The following MAB21L3 variants were observed in gnomAD, a reference collection of about 807,000 sequenced individuals.
MAB21L3 encodes protein mab-21-like 3.
A neutral mutation model predicts 37.7 loss-of-function variants in MAB21L3; 36 were observed. That is an observed-to-expected ratio of 0.96 (90% CI 0.73 to 1.26). MAB21L3 has a LOEUF of 1.26. Ranked by LOEUF, MAB21L3 falls within the 50% of genes most tolerant of loss-of-function variation. The pLI, the probability that MAB21L3 is intolerant of heterozygous loss-of-function variation, is 0.00. For synonymous variants in MAB21L3, 186 were observed against 176.8 expected (o/e 1.05, Z -0.41); for missense variants, 430 against 447.3 (o/e 0.96, Z 0.35).
chr1:116,119,759 A>T (rs1659691018), intron 3 of MAB21L3, among the ~76,000 whole-genome samples: 1 of 151,806 alleles, frequency 6.6e-6, no homozygotes, highest in Admixed American at 6.6e-5. Context: ...TCTTATTTGG[A>T]TTTTTCTGTG....
chr1:116,116,037 C>T (rs924109676), intron 3 of MAB21L3, among the ~76,000 whole-genome samples: 1 of 152,166 alleles, frequency 6.6e-6, no homozygotes, highest in Non-Finnish European at 1.5e-5. Flanking sequence ...CAGGGTTGGG[C>T]TTGCAATGGG....
intron 4 of MAB21L3, among the ~76,000 whole-genome samples, chr1:116,122,754 A>T (rs1433156232): frequency 6.6e-6 from 1 of 152,186 alleles, no homozygotes; most frequent in Non-Finnish European, 1.5e-5. Context: ...TTTTTTGTAG[A>T]GATGGATTTC....
intron 7 of MAB21L3, among the ~76,000 whole-genome samples, chr1:116,130,351 A>G (rs983377511): frequency 1.3e-5 from 2 of 152,194 alleles, no homozygotes; most frequent in Non-Finnish European, 2.9e-5. Flanking sequence ...TGTGTGGCAC[A>G]ATAGGGCATC....
intron 3 of MAB21L3, 101 bp downstream of exon 3, chr1:116,112,764 C>A: frequency 8.9e-7 from 1 of 1,118,880 alleles, no homozygotes; most frequent in Non-Finnish European, 1.3e-6. Context: ...TCTAAAGACA[C>A]ATAAAATGCT....
At chr1:116,129,665 T>C (rs981051825) in intron 7 of MAB21L3, among the ~76,000 whole-genome samples, 2 of 152,242 alleles carry the variant, frequency 1.3e-5, no homozygotes, top group African/African-American at 2.4e-5. Context: ...GATGTTCTTA[T>C]TCATTGGGAG....
rs547945379 is a variant in MAB21L3, at chr1:116,123,130, C to G, written c.190-936C>G. Among the ~76,000 whole-genome samples, 4 of 152,292 alleles carry G rather than the reference C, an allele frequency of 2.6e-5. No homozygotes were observed. The South Asian group carries it at 6.2e-4, about 24-fold the overall frequency. ...GAGGCAGCTGACTCACAGCCGAAGG[C>G]GTGCATGCAGTGGGACATGGTCATA... On this transcript the variant is annotated intron_variant, in intron 4 of 7. Transcript: ENST00000369500.
rs899737610 is a variant in MAB21L3, at chr1:116,111,820, A to C, written c.-210+10A>C. 6 of 152,508 alleles carry C rather than the reference A, an allele frequency of 3.9e-5. No individual in the cohort carries two copies. Among genetic ancestry groups the C allele is most frequent in the Non-Finnish European group, 8.8e-5 (6 of 68,338 alleles). The allele number at this position is 152,508 out of a possible 1,614,324, so 9.4% of individuals were successfully genotyped here. A position where few individuals can be genotyped will look rare whatever the true frequency, so the allele number is the denominator to read the frequency against. ...GTTTAAAGGTCAGCAGGTGAGCAGAAGGATTCCTGACCAGCCATTCCTGTG... is the reference window on the plus strand; with the variant it reads ...GTTTAAAGGTCAGCAGGTGAGCAGACGGATTCCTGACCAGCCATTCCTGTG... On this transcript the variant is annotated intron_variant, in intron 2 of 7. Transcript: ENST00000369500.
Position 116,133,395 on chromosome 1 carries a change from C to A in MAB21L3, c.*30C>A. 2 of 1,585,014 alleles carry A rather than the reference C, an allele frequency of 1.3e-6. No individual in the cohort carries two copies. Among genetic ancestry groups the A allele is most frequent in the Non-Finnish European group, 1.7e-6 (2 of 1,153,684 alleles). The stretch of plus-strand genomic sequence containing the variant: ...TGCCCCGGCCTGGGAGGCTCTTGGA[C>A]ATTTTATTCTGGCTTAACATTGTTC... On this transcript the variant is annotated 3_prime_UTR_variant, in exon 8 of 8. Coordinates refer to ENST00000369500, the MANE Select transcript of MAB21L3 (RefSeq NM_152367.3).
Position 116,112,452 on chromosome 1 carries a change from G to T in MAB21L3, c.-164G>T. The T allele has an allele frequency of 2.0e-6, 1 of 506,080 alleles. No individual in the cohort carries two copies. The highest frequency in any genetic ancestry group is 3.6e-6 in the Non-Finnish European group (1 of 281,282). 31.3% of individuals were successfully genotyped at this position (506,080 alleles called of 1,614,324 possible). On this transcript the variant is annotated 5_prime_UTR_variant, in exon 3 of 8. The change creates a new upstream start codon in the 5' untranslated region. Coordinates refer to ENST00000369500, the MANE Select transcript of MAB21L3 (RefSeq NM_152367.3). ...ATTTGGAAATAAAAACATGAGTGAA[G>T]GGTTCGGAAGGCAAGTCTCTGGTCC...
rs1660164412 is a variant in MAB21L3 at position 116,134,623 on chromosome 1, AC to A, written c.*1259del. On this transcript the variant is annotated 3_prime_UTR_variant, in exon 8 of 8. Transcript: ENST00000369500. ...ATTTTATTCTAAGATCAAAGGTGTG[AC>A]ATTTGGCCTCTCCAGAAGCAGAAGA... The A allele has an allele frequency of 6.6e-6, 1 of 152,258 alleles. No individual in the cohort carries two copies. 9.4% of individuals were successfully genotyped at this position (152,258 alleles called of 1,614,324 possible). A position where few individuals can be genotyped will look rare whatever the true frequency, so the allele number is the denominator to read the frequency against.
chr1:116,124,606 T>G (rs77466954), intron 5 of MAB21L3, among the ~76,000 whole-genome samples: 3,257 of 152,320 alleles, frequency 0.021, 114 homozygotes, highest in African/African-American at 0.075. Flanking sequence ...GGCATAGATA[T>G]AAAATGCTGT....
At chr1:116,115,507 ACT>A (rs1447677261) in intron 3 of MAB21L3, among the ~76,000 whole-genome samples, 2 of 152,196 alleles carry the variant, frequency 1.3e-5, no homozygotes, top group Admixed American at 1.3e-4. Flanking sequence ...TAAAGGTCTG[ACT>A]TCTTGTTTTC....
chr1:116,137,685 T>C lies in MAB21L3; in HGVS notation c.*4320T>C, dbSNP rs1433185567. On this transcript the variant is annotated 3_prime_UTR_variant, in exon 8 of 8. Coordinates refer to ENST00000369500, the MANE Select transcript of MAB21L3 (RefSeq NM_152367.3). ...AAAGACACATGCACACGTATGTTTATTGCGGCATTATTCACAATAGCAGAC... is the reference window on the plus strand; with the variant it reads ...AAAGACACATGCACACGTATGTTTACTGCGGCATTATTCACAATAGCAGAC... Among the ~76,000 whole-genome samples, 3 of 151,772 alleles carry C rather than the reference T, an allele frequency of 2.0e-5. No homozygotes were observed. Among genetic ancestry groups the C allele is most frequent in the Admixed American group, 6.6e-5 (1 of 15,262 alleles).
intron 4 of MAB21L3, 101 bp downstream of exon 4, chr1:116,121,173 C>A: frequency 8.8e-7 from 1 of 1,139,244 alleles, no homozygotes; most frequent in South Asian, 1.5e-5. Flanking sequence ...TCAGAATACT[C>A]ATAACAATTC....
Position 116,128,342 on chromosome 1 carries a change from G to A in MAB21L3, c.855+3G>A. On this transcript the variant is annotated splice_donor_region_variant and intron_variant, in intron 7 of 7. Coordinates refer to ENST00000369500, the MANE Select transcript of MAB21L3 (RefSeq NM_152367.3). Reference sequence around the variant, plus strand: ...TTATCACGTCCCACCATCTGCAGGTGAGTGTGGGGCAGGTTGGAGAAGACC... The same window carrying A: ...TTATCACGTCCCACCATCTGCAGGTAAGTGTGGGGCAGGTTGGAGAAGACC... 1 of 1,608,912 alleles carries A rather than the reference G, an allele frequency of 6.2e-7. No homozygotes were observed.
At chr1:116,121,708 C>T (rs1208769279) in intron 4 of MAB21L3, among the ~76,000 whole-genome samples, 1 of 152,114 alleles carries the variant, frequency 6.6e-6, no homozygotes, top group Non-Finnish European at 1.5e-5. Context: ...ACTGGCAACC[C>T]CTCTCCCTGC....
chr1:116,122,696 G>A (rs969037813), intron 4 of MAB21L3, among the ~76,000 whole-genome samples: 4 of 152,160 alleles, frequency 2.6e-5, no homozygotes, highest in African/African-American at 9.7e-5. Context: ...GAGCAGCTGG[G>A]ACTACAAGTG....
intron 7 of MAB21L3, among the ~76,000 whole-genome samples, chr1:116,129,558 T>C (rs1660011887): frequency 1.3e-5 from 2 of 152,228 alleles, no homozygotes; most frequent in Non-Finnish European, 2.9e-5. Flanking sequence ...TGGACAAAAC[T>C]GTCTTCCAGC....
At chr1:116,128,455 T>A in intron 7 of MAB21L3, 116 bp downstream of exon 7, 15 of 970,816 alleles carry the variant, frequency 1.5e-5, no homozygotes, top group Non-Finnish European at 2.2e-5. Context: ...GTGTGAAAAA[T>A]TCAGGATGAG....
Sources: allele counts gnomAD v4.1 joint callset (sites outside exome capture counted in the v4.1 genomes callset), GRCh38; gene constraint gnomAD v4.1.1; transcripts MANE v1.5; gene names NCBI Gene and HGNC (gene_info 2026-07-23, HGNC 2026-07-21).